The following GLCE variants were observed in gnomAD, a reference collection of about 807,000 sequenced individuals.
The protein encoded by GLCE is D-glucuronyl C5-epimerase.
Under a neutral mutation model 47.9 loss-of-function variants are expected in GLCE, and 19 were observed. The observed-to-expected ratio is 0.40, with a 90% confidence interval of 0.28 to 0.58. The LOEUF is 0.58. Ranked by LOEUF, GLCE falls within the 20% of genes least tolerant of loss-of-function variation. GLCE has a pLI of 0.48. For synonymous variants in GLCE, 245 were observed against 263.4 expected, an observed-to-expected ratio of 0.93 and a Z score of 0.68; for missense variants, 556 against 743.3, an observed-to-expected ratio of 0.75 and a Z score of 2.93.
At chr15:69,240,716 A>G (rs1021820162) in intron 2 of GLCE, among the ~76,000 whole-genome samples, 14 of 152,168 alleles carry the variant, frequency 9.2e-5, no homozygotes, top group African/African-American at 3.4e-4. Context: ...TGGATTAGAA[A>G]ATTGTATTAG....
intron 1 of GLCE, among the ~76,000 whole-genome samples, chr15:69,182,231 G>A (rs554770399): frequency 7.3e-5 from 11 of 151,618 alleles, no homozygotes; most frequent in African/African-American, 1.5e-4. Flanking sequence ...TCCTGGCCAC[G>A]AATTTAAAGA....
intron 2 of GLCE, among the ~76,000 whole-genome samples, chr15:69,237,772 T>C (rs1193538316): frequency 6.6e-6 from 1 of 152,198 alleles, no homozygotes; most frequent in East Asian, 1.9e-4. Flanking sequence ...GTAAAAGATG[T>C]TTCATAAAAA....
At position 69,261,001 on chromosome 15, in the gene GLCE, C is replaced by G. The variant is rs913562650; in HGVS notation, c.587-86C>G. On this transcript the variant is annotated intron_variant, in intron 3 of 4. Transcript: ENST00000261858. Reference sequence around the variant, plus strand: ...CTTCCTGATAACCCTGTAAGATCCCCCAGAAGTAAATCAGTGAGGAATGGT... The same window carrying G: ...CTTCCTGATAACCCTGTAAGATCCCGCAGAAGTAAATCAGTGAGGAATGGT... The G allele has an allele frequency of 2.3e-6, 3 of 1,281,752 alleles. No individual in the cohort carries two copies. The Admixed American group carries it at 6.0e-5, about 25-fold the overall frequency. The allele number at this position is 1,281,752 out of a possible 1,614,324, so 79.4% of individuals were successfully genotyped here.
chr15:69,201,619 T>A, intron 1 of GLCE, among the ~76,000 whole-genome samples: 1 of 148,696 alleles, frequency 6.7e-6, no homozygotes, highest in African/African-American at 2.5e-5. Flanking sequence ...AGCAGTGTTT[T>A]ACATACTAGA....
chr15:69,209,906 A>T (rs191386311), intron 1 of GLCE, among the ~76,000 whole-genome samples: 128 of 151,764 alleles, frequency 8.4e-4, no homozygotes, highest in Admixed American at 1.5e-3. Context: ...GTTCTTAGTA[A>T]CCTCCATTGC....
chr15:69,202,957 T>C (rs929122753), intron 1 of GLCE, among the ~76,000 whole-genome samples: 2 of 152,170 alleles, frequency 1.3e-5, no homozygotes, highest in Admixed American at 6.5e-5. Flanking sequence ...ACTTTTGGAA[T>C]AATGGGTGGA....
At position 69,268,543 on chromosome 15, in the gene GLCE, G is replaced by A. The variant is rs1258461416; in HGVS notation, c.1153G>A (p.Ala385Thr). The A allele has an allele frequency of 6.2e-7, 1 of 1,614,188 alleles. No homozygotes were observed. Among genetic ancestry groups the A allele is most frequent in the East Asian group, 2.2e-5 (1 of 44,888 alleles). The change falls in exon 5 of 5, where the codon GCA becomes ACA. Residue 385 changes from alanine to threonine, a missense_variant. Around this residue, in one of 3 missense-constraint regions of GLCE, gnomAD observed 245 missense variants for 368.1 expected, o/e 0.67. Coordinates refer to ENST00000261858, the MANE Select transcript of GLCE (RefSeq NM_015554.3). The stretch of plus-strand genomic sequence containing the variant: ...GCCCAAGAAGGTGGTTAGGTTGATT[G>A]CAAAAGGTAAGGGATTCCTCGACAA... Reference protein sequence around the residue: ...IMPKKVVRLIAKGKGFLDNIT... With the variant: ...IMPKKVVRLITKGKGFLDNIT...
At chr15:69,202,527 C>T (rs1196120853) in intron 1 of GLCE, among the ~76,000 whole-genome samples, 2 of 152,066 alleles carry the variant, frequency 1.3e-5, no homozygotes, top group Admixed American at 6.6e-5. Flanking sequence ...TCTTACCAAT[C>T]GTTAAATGCC....
At chr15:69,187,136 T>C (rs2051835557) in intron 1 of GLCE, among the ~76,000 whole-genome samples, 1 of 152,228 alleles carries the variant, frequency 6.6e-6, no homozygotes, top group Non-Finnish European at 1.5e-5. Flanking sequence ...CTATAGTTTC[T>C]GTATCTCATT....
intron 2 of GLCE, among the ~76,000 whole-genome samples, chr15:69,254,953 A>G (rs2052900550): frequency 6.6e-6 from 1 of 152,156 alleles, no homozygotes; most frequent in African/African-American, 2.4e-5. Context: ...AATTAGGGAG[A>G]TGAAAAGGAA....
At chr15:69,241,068 C>T (rs999874858) in intron 2 of GLCE, among the ~76,000 whole-genome samples, 7 of 152,142 alleles carry the variant, frequency 4.6e-5, no homozygotes, top group Admixed American at 1.3e-4. Context: ...TCATCATCGT[C>T]GTCGTCATCA....
intron 2 of GLCE, among the ~76,000 whole-genome samples, chr15:69,253,426 A>G (rs979124435): frequency 3.2e-4 from 49 of 152,226 alleles, no homozygotes; most frequent in African/African-American, 1.2e-3. Flanking sequence ...AAATCAGACT[A>G]TCTTCAAAAT....
At chr15:69,246,665 G>A (rs1015142790) in intron 2 of GLCE, among the ~76,000 whole-genome samples, 32 of 149,922 alleles carry the variant, frequency 2.1e-4, no homozygotes, top group African/African-American at 5.7e-4. Context: ...GCAGTGAGCC[G>A]AGATCATGCC....
In GLCE at chr15:69,271,617, ATTTC is replaced by A. The variant is rs1318633926; in HGVS notation, c.*2377_*2380del. 1 of 152,368 alleles carries A rather than the reference ATTTC, an allele frequency of 6.6e-6. No homozygotes were observed. The highest frequency in any genetic ancestry group is 2.4e-5 in the African/African-American group (1 of 41,386). 9.4% of individuals were successfully genotyped at this position (152,368 alleles called of 1,614,324 possible). A position where few individuals can be genotyped will look rare whatever the true frequency, so the allele number is the denominator to read the frequency against. On this transcript the variant is annotated 3_prime_UTR_variant, in exon 5 of 5. Transcript: ENST00000261858. ...GGGTATTTTTAAATTTTATTGTTTT[ATTTC>A]TTTAAGTTTTTCTTTGCTTTAAGAT...
intron 1 of GLCE, among the ~76,000 whole-genome samples, chr15:69,206,343 A>T (rs983104040): frequency 2.6e-5 from 4 of 151,980 alleles, no homozygotes; most frequent in Non-Finnish European, 5.9e-5. Context: ...TGTTTATCAG[A>T]TTTCCTCACT....
intron 3 of GLCE, among the ~76,000 whole-genome samples, chr15:69,257,768 T>C (rs2052948193): frequency 6.6e-6 from 1 of 152,014 alleles, no homozygotes; most frequent in Non-Finnish European, 1.5e-5. Flanking sequence ...ACATATGTTT[T>C]AGCATAATCG....
chr15:69,189,390 G>A (rs918127748), intron 1 of GLCE, among the ~76,000 whole-genome samples: 23 of 152,210 alleles, frequency 1.5e-4, no homozygotes, highest in Non-Finnish European at 2.8e-4. Flanking sequence ...TCTCTTTAGC[G>A]CTGAATCATA....
intron 1 of GLCE, among the ~76,000 whole-genome samples, chr15:69,204,082 TGTATA>T (rs1566955085): frequency 6.6e-6 from 1 of 152,054 alleles, no homozygotes; most frequent in Non-Finnish European, 1.5e-5. Flanking sequence ...ACCACATGCA[TGTATA>T]GTATAGTAAT....
At chr15:69,264,274 C>T (rs775393807) in intron 4 of GLCE, among the ~76,000 whole-genome samples, 17 of 150,760 alleles carry the variant, frequency 1.1e-4, no homozygotes, top group Admixed American at 2.6e-4. Flanking sequence ...ACTTGTCACA[C>T]GTAGCATAAT....
Sources: allele counts gnomAD v4.1 joint callset (sites outside exome capture counted in the v4.1 genomes callset), GRCh38; gene constraint gnomAD v4.1.1; regional missense constraint gnomAD v4.1.1; transcripts MANE v1.5; gene names NCBI Gene and HGNC (gene_info 2026-07-23, HGNC 2026-07-21).